RBFOX3: variants seen among roughly 807,000 people sequenced by gnomAD.
The protein encoded by RBFOX3 is RNA binding fox-1 homolog 3.
A neutral mutation model predicts 48.7 loss-of-function variants in RBFOX3; 17 were observed. The ratio of observed to expected loss-of-function variants is 0.35; its 90% CI spans 0.24 to 0.52. The LOEUF is 0.52. Ranked by LOEUF, RBFOX3 falls within the 20% of genes least tolerant of loss-of-function variation. The pLI is 0.94. For missense variants in RBFOX3, 382 were observed against 497.5 expected, an observed-to-expected ratio of 0.77 and a Z score of 2.21; for synonymous variants, 212 against 209.5, an observed-to-expected ratio of 1.01 and a Z score of -0.10.
intron 1 of RBFOX3, among the ~76,000 whole-genome samples, chr17:79,562,136 T>C (rs2092260688): frequency 6.6e-6 from 1 of 152,172 alleles, no homozygotes; most frequent in African/African-American, 2.4e-5. Flanking sequence ...ACAGCTGAGA[T>C]TGTGTTAAAC....
At chr17:79,370,705 ACG>A (rs1342009626) in intron 2 of RBFOX3, among the ~76,000 whole-genome samples, 3 of 152,200 alleles carry the variant, frequency 2.0e-5, no homozygotes, top group Admixed American at 6.5e-5. Flanking sequence ...CCTGAAATGC[ACG>A]GTCACATACA....
chr17:79,105,548 C>T (rs2077201209), intron 6 of RBFOX3, among the ~76,000 whole-genome samples: 1 of 152,212 alleles, frequency 6.6e-6, no homozygotes, highest in Admixed American at 6.5e-5. Flanking sequence ...GTCATGCCAG[C>T]CCTCCAATGA....
the RBFOX3 span, among the ~76,000 whole-genome samples, chr17:79,665,437 G>A: frequency 1.3e-5 from 2 of 152,096 alleles, no homozygotes; most frequent in Admixed American, 6.5e-5. Flanking sequence ...GCAGAGAGGA[G>A]GGGCCTGGAA....
At chr17:79,341,860 G>A (rs893848770) in intron 2 of RBFOX3, among the ~76,000 whole-genome samples, 6 of 152,242 alleles carry the variant, frequency 3.9e-5, no homozygotes, top group African/African-American at 4.8e-5. Flanking sequence ...ATTTGCAGCC[G>A]GTGGCTCCTA....
chr17:79,308,381 C>T (rs1449022011), intron 2 of RBFOX3, among the ~76,000 whole-genome samples: 2 of 152,190 alleles, frequency 1.3e-5, no homozygotes, highest in Non-Finnish European at 2.9e-5. Context: ...CATCAGACCC[C>T]ATCAGTGTCA....
intron 3 of RBFOX3, among the ~76,000 whole-genome samples, chr17:79,291,533 T>C (rs2073257361): frequency 6.6e-6 from 1 of 152,136 alleles, no homozygotes; most frequent in Admixed American, 6.5e-5. Flanking sequence ...GCAGGAAGAA[T>C]GGGGCTGAGG....
intron 2 of RBFOX3, among the ~76,000 whole-genome samples, chr17:79,373,810 C>G (rs1454118012): frequency 6.6e-6 from 1 of 152,080 alleles, no homozygotes. Context: ...AGCGCAGGGA[C>G]CAGTTTCCTC....
At chr17:79,587,087 A>C (rs1333325202) in intron 1 of RBFOX3, among the ~76,000 whole-genome samples, 1 of 152,220 alleles carries the variant, frequency 6.6e-6, no homozygotes, top group Non-Finnish European at 1.5e-5. Flanking sequence ...GGTCCCAAGA[A>C]GTCTGTAGCC....
chr17:79,619,867 C>T, the RBFOX3 span, among the ~76,000 whole-genome samples: 1 of 152,316 alleles, frequency 6.6e-6, no homozygotes, highest in South Asian at 2.1e-4. Context: ...ACCAAATTCT[C>T]CTCTGGCCGT....
Position 79,477,199 on chromosome 17 carries a change from C to G in RBFOX3, c.-175+5255G>C, listed in dbSNP as rs1598863329. Reference sequence around the variant, plus strand: ...AGTGAGCTGAGATCGCGCCACTGCACTCCAGCCTGGGTGAAAGAGCAAGGC... The same window carrying G: ...AGTGAGCTGAGATCGCGCCACTGCAGTCCAGCCTGGGTGAAAGAGCAAGGC... On this transcript the variant is annotated intron_variant, in intron 2 of 14. Transcript: ENST00000693108. This position sits in a 1 kb window ranked among gnomAD's most constrained non-coding sequence, Gnocchi z 4.8. Among the ~76,000 whole-genome samples, 1 of 146,380 alleles carries G rather than the reference C, an allele frequency of 6.8e-6. No individual in the cohort carries two copies. Among genetic ancestry groups the G allele is most frequent in the Non-Finnish European group, 1.5e-5 (1 of 67,138 alleles).
chr17:79,181,268 C>A (rs1425126203), intron 4 of RBFOX3, among the ~76,000 whole-genome samples: 4 of 152,362 alleles, frequency 2.6e-5, no homozygotes, highest in Non-Finnish European at 5.9e-5. Context: ...TCTGCAGAAA[C>A]CCAGAGCTAC....
intron 2 of RBFOX3, among the ~76,000 whole-genome samples, chr17:79,404,206 C>T (rs1457153461): frequency 5.9e-5 from 9 of 152,208 alleles, no homozygotes; most frequent in South Asian, 4.1e-4. Flanking sequence ...AACAAGCTGG[C>T]GGGAAGCCGC....
chr17:79,496,807 G>GGC (rs2081604731), intron 1 of RBFOX3, among the ~76,000 whole-genome samples: 2 of 152,164 alleles, frequency 1.3e-5, no homozygotes, highest in Non-Finnish European at 1.5e-5. Context: ...AGGTGTTCAC[G>GGC]AGATTGTCAC....
chr17:79,626,846 C>T, the RBFOX3 span, among the ~76,000 whole-genome samples: 5 of 152,220 alleles, frequency 3.3e-5, no homozygotes, highest in African/African-American at 1.2e-4. Flanking sequence ...GGCTCAGCCA[C>T]CTGCCTCCAG....
At chr17:79,635,059 CAAAAAAAAAAAAAAAAAAAAAAAAAAAA>C in the RBFOX3 span, among the ~76,000 whole-genome samples, 489 of 53,524 alleles carry the variant, frequency 9.1e-3, 12 homozygotes, top group African/African-American at 0.025. Context: ...GACTCCATCT[CAAAAAAAAAAAAAAAAAAAAAAAAAAAA>C]AAAAAAAAAA....
At chr17:79,149,002 T>C (rs1227519379) in intron 4 of RBFOX3, among the ~76,000 whole-genome samples, 1 of 152,194 alleles carries the variant, frequency 6.6e-6, no homozygotes, top group Non-Finnish European at 1.5e-5. Context: ...AAAACCCTCA[T>C]GCTGTTCTGG....
chr17:79,495,847 G>A (rs1477493354), intron 1 of RBFOX3, among the ~76,000 whole-genome samples: 1 of 151,654 alleles, frequency 6.6e-6, no homozygotes, highest in Non-Finnish European at 1.5e-5. Flanking sequence ...CGGTGGACGG[G>A]GTGGAGGTTA....
At chr17:79,228,683 A>G (rs564718814) in intron 4 of RBFOX3, among the ~76,000 whole-genome samples, 1 of 152,324 alleles carries the variant, frequency 6.6e-6, no homozygotes, top group South Asian at 2.1e-4. Flanking sequence ...CGTGGAGCAA[A>G]GCAGCTTTGG....
chr17:79,350,652 A>G (rs1020767433), intron 2 of RBFOX3, among the ~76,000 whole-genome samples: 1 of 152,200 alleles, frequency 6.6e-6, no homozygotes, highest in Admixed American at 6.5e-5. Context: ...TCCCTGAGAA[A>G]GCAAGAATGA....
Sources: gnomAD v4.1 joint callset for allele counts (sites outside exome capture counted in the v4.1 genomes callset) on GRCh38, gnomAD v4.1.1 for gene constraint, Gnocchi (gnomAD v3.1) non-coding constraint, MANE v1.5 for transcripts, NCBI Gene and HGNC (gene_info 2026-07-23, HGNC 2026-07-21) for gene names.